The following IL7 variants were observed in gnomAD, a reference collection of about 807,000 sequenced individuals.
IL7 encodes interleukin 7, also known as interleukin-7.
IL7 carries 3 observed loss-of-function variants against 21.6 expected under a neutral mutation model. The ratio of observed to expected loss-of-function variants is 0.14; its 90% CI spans 0.06 to 0.36. IL7 has a LOEUF of 0.36. IL7 is among the 10% of genes least tolerant of loss of function. IL7 has a pLI of 1.00. For synonymous variants in IL7, 62 were observed against 68.1 expected (o/e 0.91, Z 0.44); for missense variants, 175 against 200.2 (o/e 0.87, Z 0.76).
chr8:78,773,251 C>A (rs766196660), intron 2 of IL7, among the ~76,000 whole-genome samples: 1 of 152,010 alleles, frequency 6.6e-6, no homozygotes, highest in Non-Finnish European at 1.5e-5. Context: ...CCAGTGGGCA[C>A]GTCTTTGGGA....
At chr8:78,796,818 T>C (rs899738000) in intron 2 of IL7, among the ~76,000 whole-genome samples, 1 of 152,002 alleles carries the variant, frequency 6.6e-6, no homozygotes, top group African/African-American at 2.4e-5. Flanking sequence ...TGCAAAATAT[T>C]ACAGCCACTT....
intron 3 of IL7, among the ~76,000 whole-genome samples, chr8:78,724,841 A>T (rs1355988896): frequency 6.6e-6 from 1 of 151,998 alleles, no homozygotes; most frequent in South Asian, 2.1e-4. Flanking sequence ...CACTGATGTC[A>T]TTACCCGAAA....
chr8:78,688,913 A>G (rs181249556), intron 3 of IL7, among the ~76,000 whole-genome samples: 2 of 152,224 alleles, frequency 1.3e-5, no homozygotes, highest in East Asian at 1.9e-4. Context: ...ACATAAAGGC[A>G]AAAAAGAAAT....
chr8:78,762,286 TG>T, intron 2 of IL7: 1 of 1,584,890 alleles, frequency 6.3e-7, no homozygotes, highest in Non-Finnish European at 8.7e-7. Flanking sequence ...GCTGATCAGG[TG>T]TTTTATCTTC....
At chr8:78,753,792 T>C (rs947990099) in intron 2 of IL7, among the ~76,000 whole-genome samples, 13 of 152,336 alleles carry the variant, frequency 8.5e-5, no homozygotes, top group South Asian at 2.1e-4. Flanking sequence ...TTTCTGCATA[T>C]GGCTAGCCAG....
At chr8:78,765,504 A>G (rs964820346) in intron 2 of IL7, among the ~76,000 whole-genome samples, 9 of 152,122 alleles carry the variant, frequency 5.9e-5, no homozygotes, top group African/African-American at 1.9e-4. Flanking sequence ...TTACAACCCA[A>G]TAAAAAATTG....
chr8:78,804,968 G>A lies in IL7; in HGVS notation c.-46C>T, dbSNP rs1814271816. On this transcript the variant is annotated 5_prime_UTR_variant, in exon 1 of 6. Transcript: ENST00000263851. ...AGTCATGATGACCGCAACTGGAGCAGGAGCAAGCTCTCACCGCCCATAGTC... is the reference window on the plus strand; with the variant it reads ...AGTCATGATGACCGCAACTGGAGCAAGAGCAAGCTCTCACCGCCCATAGTC... 6.2e-7 allele frequency: 1 copy of A among 1,603,678 alleles called. No homozygotes were observed. The highest frequency in any genetic ancestry group is 1.3e-5 in the African/African-American group (1 of 74,818).
chr8:78,698,042 G>C lies in IL7; in HGVS notation n.215-12095C>G, dbSNP rs1810487766. On this transcript the variant is annotated intron_variant and non_coding_transcript_variant, in intron 3 of 4. Transcript: ENST00000523959. ...CCAGATGTTGTTATTGATGTCATCT[G>C]TTCAGAATAGTCAGCCCAGTACTTC... 2.0e-5 allele frequency among the ~76,000 whole-genome samples: 3 copies of C among 152,184 alleles called. No homozygotes were observed. The South Asian group carries it at 6.2e-4, about 32-fold the overall frequency.
At chr8:78,704,876 G>A (rs561364205) in intron 3 of IL7, among the ~76,000 whole-genome samples, 3 of 151,982 alleles carry the variant, frequency 2.0e-5, no homozygotes, top group Non-Finnish European at 2.9e-5. Flanking sequence ...TTTGTTCTTC[G>A]CTTGGTCTCT....
At chr8:78,730,758 G>A (rs1258565210), downstream of IL7, among the ~76,000 whole-genome samples, 1 of 151,846 alleles carries the variant, frequency 6.6e-6, no homozygotes, top group African/African-American at 2.4e-5. Context: ...TTTTAGGGTA[G>A]ATAAAACATT....
chr8:78,732,030 G>A (rs1811433773), downstream of IL7, among the ~76,000 whole-genome samples: 1 of 151,992 alleles, frequency 6.6e-6, no homozygotes, highest in South Asian at 2.1e-4. Context: ...CTTTAGAAAT[G>A]TAAATTCCCT....
chr8:78,689,121 A>G, intron 3 of IL7: 1 of 838,930 alleles, frequency 1.2e-6, no homozygotes, highest in South Asian at 4.9e-5. Context: ...ATCAGATGTT[A>G]TTACTTATAT....
At chr8:78,698,279 TA>T in intron 3 of IL7, 3 of 681,352 alleles carry the variant, frequency 4.4e-6, no homozygotes, top group Non-Finnish European at 4.7e-6. Flanking sequence ...AAATGCCATT[TA>T]AAAAATGTCT....
At chr8:78,723,238 A>G (rs530918081) in intron 3 of IL7, among the ~76,000 whole-genome samples, 1 of 151,872 alleles carries the variant, frequency 6.6e-6, no homozygotes, top group South Asian at 2.1e-4. Flanking sequence ...ATAGGAAGAA[A>G]AATAGCTTTT....
intron 2 of IL7, among the ~76,000 whole-genome samples, chr8:78,756,220 G>T (rs1038695524): frequency 2.6e-5 from 4 of 151,916 alleles, no homozygotes; most frequent in African/African-American, 9.7e-5. Flanking sequence ...TGTGTTGTTA[G>T]ATTCAGTTTG....
Position 78,733,644 on chromosome 8 carries a change from T to G in IL7, c.*69A>C, listed in dbSNP as rs1811481896. 2.6e-6 allele frequency: 4 copies of G among 1,528,120 alleles called. No individual in the cohort carries two copies. The highest frequency in any genetic ancestry group is 2.7e-6 in the Non-Finnish European group (3 of 1,131,342). 94.7% of individuals were successfully genotyped at this position (1,528,120 alleles called of 1,614,324 possible). A position where few individuals can be genotyped will look rare whatever the true frequency, so the allele number is the denominator to read the frequency against. ...TAGGAAGCATTCCACTCTGAAAAAC[T>G]GCATAAGCAGATAGATTCTTGGAGG... On this transcript the variant is annotated 3_prime_UTR_variant, in exon 6 of 6. Transcript: ENST00000263851.
downstream of IL7, chr8:78,715,255 A>C (rs761638942): frequency 6.2e-7 from 1 of 1,613,968 alleles, no homozygotes; most frequent in Non-Finnish European, 8.5e-7. Context: ...CACACCACCT[A>C]GTTTGGCAAG....
At chr8:78,774,234 A>T (rs1813057590) in intron 2 of IL7, among the ~76,000 whole-genome samples, 2 of 152,100 alleles carry the variant, frequency 1.3e-5, no homozygotes, top group South Asian at 4.1e-4. Flanking sequence ...TCCTTATCTA[A>T]CCCTGTAGCC....
chr8:78,743,087 G>C (rs1216591908), intron 2 of IL7, among the ~76,000 whole-genome samples: 1 of 152,170 alleles, frequency 6.6e-6, no homozygotes. Flanking sequence ...TTTTGTGGCT[G>C]CATAGTGTTC....
Sources: allele counts gnomAD v4.1 joint callset (sites outside exome capture counted in the v4.1 genomes callset), GRCh38; gene constraint gnomAD v4.1.1; transcripts MANE v1.5; gene names NCBI Gene and HGNC (gene_info 2026-07-23, HGNC 2026-07-21).